ERBB4: variants seen among roughly 807,000 people sequenced by gnomAD.
The protein encoded by ERBB4 is receptor tyrosine-protein kinase erbB-4.
Under a neutral mutation model 158.0 loss-of-function variants are expected in ERBB4, and 42 were observed. The ratio of observed to expected loss-of-function variants is 0.27; its 90% CI spans 0.21 to 0.34. The LOEUF is 0.34. Among genes scored for constraint, ERBB4 ranks in the 10% least tolerant of loss-of-function variants. The pLI is 1.00. For missense variants in ERBB4, 1,333 were observed against 1,624.1 expected (o/e 0.82, Z 3.08); for synonymous variants, 583 against 558.7 (o/e 1.04, Z -0.61).
chr2:212,183,932 A>G (rs573429149), intron 1 of ERBB4, among the ~76,000 whole-genome samples: 1 of 152,228 alleles, frequency 6.6e-6, no homozygotes, highest in East Asian at 1.9e-4. Context: ...TTTGTGATTT[A>G]AGAACCTGAC....
intron 1 of ERBB4, among the ~76,000 whole-genome samples, chr2:212,372,995 T>C (rs1031950821): frequency 1.3e-5 from 2 of 152,184 alleles, no homozygotes; most frequent in Admixed American, 6.5e-5. Flanking sequence ...TAAATTGGTA[T>C]AGAAAATAGA....
chr2:211,513,721 C>T (rs2065948627), intron 20 of ERBB4, among the ~76,000 whole-genome samples: 1 of 152,086 alleles, frequency 6.6e-6, no homozygotes, highest in East Asian at 1.9e-4. Context: ...GCGCCCCCAA[C>T]CCCTGTCTAC....
chr2:212,473,697 A>T (rs1042027120), intron 1 of ERBB4, among the ~76,000 whole-genome samples: 71 of 152,140 alleles, frequency 4.7e-4, no homozygotes, highest in African/African-American at 1.6e-3. Context: ...TTGGAATAAA[A>T]CTATCTTATT....
chr2:212,202,246 T>C (rs16847878), intron 1 of ERBB4, among the ~76,000 whole-genome samples: 1,863 of 152,316 alleles, frequency 0.012, 24 homozygotes, highest in African/African-American at 0.042. Flanking sequence ...ATAGTGCATA[T>C]TCATCATTTC....
At chr2:212,094,843 G>A (rs1000502565) in intron 2 of ERBB4, among the ~76,000 whole-genome samples, 1 of 152,012 alleles carries the variant, frequency 6.6e-6, no homozygotes, top group Non-Finnish European at 1.5e-5. Flanking sequence ...AATTCTCGAG[G>A]TTAGTGAAAT....
intron 1 of ERBB4, among the ~76,000 whole-genome samples, chr2:212,229,351 G>A (rs2083586158): frequency 6.6e-6 from 1 of 152,188 alleles, no homozygotes; most frequent in South Asian, 2.1e-4. Context: ...AGTCAGAGCT[G>A]AGAAATGGTT....
chr2:211,384,745 T>A (rs1425866108), intron 27 of ERBB4, among the ~76,000 whole-genome samples: 1 of 152,168 alleles, frequency 6.6e-6, no homozygotes, highest in Non-Finnish European at 1.5e-5. Flanking sequence ...ATTATAATAT[T>A]TCCATTGACC....
intron 20 of ERBB4, among the ~76,000 whole-genome samples, chr2:211,484,927 T>C (rs1270098811): frequency 5.3e-5 from 8 of 152,286 alleles, no homozygotes; most frequent in Middle Eastern, 3.4e-3. Flanking sequence ...AGTCCAGCAG[T>C]GGCTACCATA....
At chr2:212,229,099 G>A (rs2083576578) in intron 1 of ERBB4, among the ~76,000 whole-genome samples, 1 of 152,206 alleles carries the variant, frequency 6.6e-6, no homozygotes, top group African/African-American at 2.4e-5. Flanking sequence ...CACTGTAAGT[G>A]TGTGTGACAC....
intron 20 of ERBB4, among the ~76,000 whole-genome samples, chr2:211,484,431 TAGATA>T (rs1439987164): frequency 6.6e-6 from 1 of 152,134 alleles, no homozygotes. Context: ...ATTGTTAGGT[TAGATA>T]ACACTTCTAT....
intron 3 of ERBB4, among the ~76,000 whole-genome samples, chr2:211,861,109 A>T (rs1575267205): frequency 2.7e-5 from 1 of 36,690 alleles, no homozygotes; most frequent in Non-Finnish European, 4.9e-5. Context: ...CATTATATAT[A>T]TTTATATATA....
intron 2 of ERBB4, among the ~76,000 whole-genome samples, chr2:212,071,414 A>T (rs1024348147): frequency 2.0e-5 from 3 of 151,862 alleles, no homozygotes; most frequent in Non-Finnish European, 1.5e-5. Context: ...ATTCTAAAGG[A>T]GGTGGCCACA....
chr2:211,727,264 T>C (rs903945210), intron 5 of ERBB4, among the ~76,000 whole-genome samples: 3 of 152,178 alleles, frequency 2.0e-5, no homozygotes, highest in Non-Finnish European at 4.4e-5. Context: ...TATACAGGTA[T>C]AAAGTGCTTT....
chr2:211,562,768 A>ATTTTTTTTTTTTTTTTTTTTTTT, intron 19 of ERBB4, among the ~76,000 whole-genome samples: 2 of 127,108 alleles, frequency 1.6e-5, no homozygotes, highest in Admixed American at 7.2e-5. Context: ...GACTACTCCA[A>ATTTTTTTTTTTTTTTTTTTTTTT]CTTTTTTTTT....
chr2:211,673,089 A>C, intron 14 of ERBB4, 75 bp downstream of exon 14: 1 of 1,146,232 alleles, frequency 8.7e-7, no homozygotes, highest in Non-Finnish European at 1.3e-6. Context: ...ATGGATGAAT[A>C]AATGATAAAA....
intron 2 of ERBB4, among the ~76,000 whole-genome samples, chr2:212,075,656 A>G (rs2078252577): frequency 6.6e-6 from 1 of 151,902 alleles, no homozygotes; most frequent in Non-Finnish European, 1.5e-5. Flanking sequence ...AATTTCTTGA[A>G]TGTAGAGAAA....
intron 1 of ERBB4, among the ~76,000 whole-genome samples, chr2:212,397,850 G>T (rs78204081): frequency 0.014 from 2,053 of 152,052 alleles, 45 homozygotes; most frequent in African/African-American, 0.047. Flanking sequence ...ATCAACTAAT[G>T]TTTCCAGACT....
chr2:212,202,281 T>A (rs1477284695), intron 1 of ERBB4, among the ~76,000 whole-genome samples: 1 of 152,168 alleles, frequency 6.6e-6, no homozygotes, highest in Non-Finnish European at 1.5e-5. Flanking sequence ...CACTAAGTAT[T>A]TATTGAGGAC....
chr2:211,859,812 TG>T (rs2077967257), intron 3 of ERBB4, among the ~76,000 whole-genome samples: 1 of 152,204 alleles, frequency 6.6e-6, no homozygotes, highest in Non-Finnish European at 1.5e-5. Context: ...TAATCAGTTC[TG>T]TAAGACACAC....
Sources: allele counts gnomAD v4.1 joint callset (sites outside exome capture counted in the v4.1 genomes callset), GRCh38; gene constraint gnomAD v4.1.1; transcripts MANE v1.5; gene names NCBI Gene and HGNC (gene_info 2026-07-23, HGNC 2026-07-21).